The following PKHD1L1 variants were observed in gnomAD, a reference collection of about 807,000 sequenced individuals.
PKHD1L1 encodes PKHD1 like 1, also known as fibrocystin-L.
In PKHD1L1, 434 loss-of-function variants were observed where a neutral mutation model predicts 462.9. That is an observed-to-expected ratio of 0.94 (90% CI 0.87 to 1.02). The LOEUF is 1.02. PKHD1L1 is among the 50% of genes least tolerant of loss of function. The pLI is 0.00. For synonymous variants in PKHD1L1, 1,781 were observed against 1,750.0 expected (o/e 1.02, Z -0.44); for missense variants, 5,202 against 5,096.1 (o/e 1.02, Z -0.63).
intron 50 of PKHD1L1, chr8:109,470,796 A>G: frequency 6.6e-7 from 1 of 1,523,286 alleles, no homozygotes; most frequent in Middle Eastern, 2.4e-4. Context: ...TTTGTGAGGT[A>G]AGGAAGGATG....
rs1232454595 is a variant in PKHD1L1 at position 109,497,084 on chromosome 8, A to G, written c.10476+17A>G. ...TATTTTCAGGTAATTATGATTAAAG[A>G]TGGTGATTGTTTATTTTCTTTTATG... On this transcript the variant is annotated intron_variant, in intron 64 of 77. Transcript: ENST00000378402. The G allele has an allele frequency of 6.2e-7, 1 of 1,612,776 alleles. No individual in the cohort carries two copies. Among genetic ancestry groups the G allele is most frequent in the Non-Finnish European group, 8.5e-7 (1 of 1,179,110 alleles).
At chr8:109,496,871 T>C in intron 63 of PKHD1L1, 48 bp from the exon 64 acceptor site, 1 of 1,532,898 alleles carries the variant, frequency 6.5e-7, no homozygotes, top group Non-Finnish European at 8.9e-7. Flanking sequence ...TAAAACTATA[T>C]GACATGAAAT....
intron 28 of PKHD1L1, among the ~76,000 whole-genome samples, chr8:109,433,745 A>T (rs1253925020): frequency 6.6e-6 from 1 of 152,162 alleles, no homozygotes; most frequent in Non-Finnish European, 1.5e-5. Flanking sequence ...TAATTCTAGG[A>T]GATTTTTCTT....
At chr8:109,441,215 CA>C (rs914430650) in intron 33 of PKHD1L1, 59 bp from the exon 34 acceptor site, 437 of 1,155,834 alleles carry the variant, frequency 3.8e-4, no homozygotes, top group Middle Eastern at 1.4e-3. Flanking sequence ...CTATAATTCA[CA>C]AAAAAAAATT....
At chr8:109,517,339 C>T (rs1452872703) in intron 72 of PKHD1L1, among the ~76,000 whole-genome samples, 2 of 152,112 alleles carry the variant, frequency 1.3e-5, no homozygotes. Context: ...CCTTTCATTA[C>T]TGTGAAATTC....
chr8:109,441,681 T>C (rs536045570), intron 34 of PKHD1L1, among the ~76,000 whole-genome samples: 1 of 152,282 alleles, frequency 6.6e-6, no homozygotes, highest in Admixed American at 6.5e-5. Flanking sequence ...AAATGAATAT[T>C]CCAATTAAAA....
chr8:109,405,265 G>A (rs1051023991), intron 16 of PKHD1L1, 135 bp downstream of exon 16: 2 of 545,186 alleles, frequency 3.7e-6, no homozygotes, highest in East Asian at 3.5e-5. Flanking sequence ...GCAGAAAAAT[G>A]TATTATGGAA....
Position 109,444,443 on chromosome 8 carries a change from T to C in PKHD1L1, c.4792-218T>C, listed in dbSNP as rs577876711. ...GGACATTTGGGTTGTTTTCACCTTT[T>C]GATTATTATGAATAATGTAGCAATG... On this transcript the variant is annotated intron_variant, in intron 37 of 77. Transcript: ENST00000378402. Among the ~76,000 whole-genome samples the C allele has an allele frequency of 3.9e-5, 6 of 152,352 alleles. No individual in the cohort carries two copies. The South Asian group carries it at 1.2e-3, about 32-fold the overall frequency.
chr8:109,452,403 A>G, intron 42 of PKHD1L1, 123 bp downstream of exon 42: 2 of 940,410 alleles, frequency 2.1e-6, no homozygotes, highest in Non-Finnish European at 1.4e-6. Context: ...TGTGACCATA[A>G]TAAATCTAAA....
At chr8:109,477,074 C>A in intron 52 of PKHD1L1, 151 bp from the exon 53 acceptor site, 1 of 654,380 alleles carries the variant, frequency 1.5e-6, no homozygotes, top group Non-Finnish European at 2.6e-6. Context: ...ATAATACATA[C>A]ATTATCAGAA....
chr8:109,433,280 G>T, intron 28 of PKHD1L1, 64 bp downstream of exon 28: 2 of 1,207,252 alleles, frequency 1.7e-6, no homozygotes, highest in South Asian at 1.3e-5. Context: ...GAATCAAAGG[G>T]CAGTATTACA....
chr8:109,401,468 T>C, intron 13 of PKHD1L1, 29 bp from the exon 14 acceptor site: 1 of 1,251,282 alleles, frequency 8.0e-7, no homozygotes, highest in Non-Finnish European at 1.2e-6. Context: ...AATTCTCCCT[T>C]TTCTCTGTCT....
Position 109,496,915 on chromosome 8 carries a change from CA to C in PKHD1L1, c.10328-2del. The C allele has an allele frequency of 1.9e-6, 3 of 1,608,652 alleles. No homozygotes were observed. The highest frequency in any genetic ancestry group is 2.5e-6 in the Non-Finnish European group (3 of 1,177,028). ...CATTCTCTGGTTCTATATTTCCCTC[CA>C]AGGCCAGTTTAATCCTGTGGAAAAG... On this transcript the variant is annotated splice_region_variant and splice_polypyrimidine_tract_variant and intron_variant, in intron 63 of 77. Coordinates refer to ENST00000378402, the MANE Select transcript of PKHD1L1 (RefSeq NM_177531.6).
chr8:109,445,707 A>G, intron 38 of PKHD1L1, 62 bp downstream of exon 38: 1 of 1,406,168 alleles, frequency 7.1e-7, no homozygotes, highest in South Asian at 1.4e-5. Context: ...ATTAGTATGG[A>G]ATTGGAATGA....
chr8:109,368,746 C>A lies in PKHD1L1; in HGVS notation c.163+4110C>A, dbSNP rs563673371. Among the ~76,000 whole-genome samples the A allele has an allele frequency of 2.6e-4, 39 of 152,260 alleles. 1 individual carries two copies. In the South Asian group the frequency reaches 8.1e-3, roughly 32 times the overall value. On this transcript the variant is annotated intron_variant, in intron 2 of 77. Coordinates refer to ENST00000378402, the MANE Select transcript of PKHD1L1 (RefSeq NM_177531.6). ...ACACTGACATTTTCCATGATAGCAG[C>A]CCAGGCGTTCCTTTTGGATTGCTGC...
At chr8:109,466,877 T>A (rs1017660465) in intron 50 of PKHD1L1, 108 bp downstream of exon 50, 1 of 1,005,306 alleles carries the variant, frequency 9.9e-7, no homozygotes. Flanking sequence ...GCAAAAAGTA[T>A]AACATTTATA....
At chr8:109,435,684 A>G (rs1586505217) in intron 29 of PKHD1L1, among the ~76,000 whole-genome samples, 1 of 152,300 alleles carries the variant, frequency 6.6e-6, no homozygotes, top group Middle Eastern at 3.4e-3. Context: ...GTTTGTAACC[A>G]CAGTCTCAGT....
chr8:109,523,094 A>G, intron 75 of PKHD1L1, 139 bp from the exon 76 acceptor site: 1 of 1,015,044 alleles, frequency 9.9e-7, no homozygotes, highest in Admixed American at 2.9e-5. Context: ...AGGTTTATGA[A>G]CTCTTTGTGT....
intron 61 of PKHD1L1, among the ~76,000 whole-genome samples, chr8:109,491,430 A>C (rs938268104): frequency 3.3e-5 from 5 of 151,854 alleles, no homozygotes; most frequent in African/African-American, 9.7e-5. Flanking sequence ...TTACCACATC[A>C]CATTCTTACA....
Sources: allele counts gnomAD v4.1 joint callset (sites outside exome capture counted in the v4.1 genomes callset), GRCh38; gene constraint gnomAD v4.1.1; transcripts MANE v1.5; gene names NCBI Gene and HGNC (gene_info 2026-07-23, HGNC 2026-07-21).